Variants in DLGAP3 observed in about 807,000 individuals in gnomAD.
DLGAP3 encodes disks large-associated protein 3.
DLGAP3 carries 17 observed loss-of-function variants against 81.2 expected under a neutral mutation model. The observed-to-expected ratio is 0.21, with a 90% CI of 0.14 to 0.31. The LOEUF (loss-of-function observed/expected upper bound fraction) is 0.31. Ranked by LOEUF, DLGAP3 falls within the 10% of genes least tolerant of loss-of-function variation. The pLI is 1.00. For synonymous variants in DLGAP3, 577 were observed against 587.4 expected (o/e 0.98, Z 0.26); for missense variants, 1,124 against 1,388.0 (o/e 0.81, Z 3.02).
At chr1:34,921,957 C>T (rs1419256844) in intron 1 of DLGAP3, among the ~76,000 whole-genome samples, 1 of 152,190 alleles carries the variant, frequency 6.6e-6, no homozygotes, top group Non-Finnish European at 1.5e-5. Context: ...GTAATATGCA[C>T]ATGTACCTGT....
chr1:34,871,006 AATAG>A (rs1319750132), intron 8 of DLGAP3, among the ~76,000 whole-genome samples: 4 of 152,248 alleles, frequency 2.6e-5, no homozygotes, highest in Admixed American at 6.5e-5. Flanking sequence ...CAATTATAGA[AATAG>A]ATAAGTAATT....
chr1:34,879,837 G>T (rs1639119589), intron 8 of DLGAP3, among the ~76,000 whole-genome samples: 1 of 151,996 alleles, frequency 6.6e-6, no homozygotes. Context: ...AGTTATAAGG[G>T]AAATTATAGC....
At chr1:34,918,423 G>C (rs947729830) in intron 1 of DLGAP3, among the ~76,000 whole-genome samples, 1 of 152,174 alleles carries the variant, frequency 6.6e-6, no homozygotes, top group Non-Finnish European at 1.5e-5. Context: ...GCCCACCCCT[G>C]CCTCACTGAG....
chr1:34,880,544 A>C (rs1324841556), intron 8 of DLGAP3, among the ~76,000 whole-genome samples: 1 of 152,106 alleles, frequency 6.6e-6, no homozygotes, highest in Non-Finnish European at 1.5e-5. Flanking sequence ...CAGCCTAGTC[A>C]ACATGGTGAA....
At position 34,896,216 on chromosome 1, in the gene DLGAP3, T is replaced by C. The variant is rs138167778; in HGVS notation, c.1386+3453A>G. Among the ~76,000 whole-genome samples the C allele has an allele frequency of 5.3e-5, 8 of 152,272 alleles. No homozygotes were observed. The East Asian group carries it at 1.5e-3, about 29-fold the overall frequency. Reference sequence around the variant, plus strand: ...ACTCCAGCTGACACCTTGGTCAGATTTCTAGCCTCCAGAATTGTGAGAAAA... The same window carrying C: ...ACTCCAGCTGACACCTTGGTCAGATCTCTAGCCTCCAGAATTGTGAGAAAA... On this transcript the variant is annotated intron_variant, in intron 5 of 11. Transcript: ENST00000373347.
In DLGAP3 at chr1:34,904,814, C is replaced by T. The variant is rs919131002; in HGVS notation, c.570G>A (p.Pro190=). The T allele has an allele frequency of 1.3e-5, 21 of 1,610,168 alleles. No individual in the cohort carries two copies. Among genetic ancestry groups the T allele is most frequent in the Middle Eastern group, 3.3e-4 (2 of 6,080 alleles). Residue 190 remains proline, a synonymous_variant, in exon 3 of 12, where the codon CCG becomes CCA. Coordinates refer to ENST00000373347, the MANE Select transcript of DLGAP3 (RefSeq NM_001080418.3). This position sits in a 1 kb window ranked among gnomAD's most constrained non-coding sequence, Gnocchi z 8.1. ...LFAKSHSLEA[P]GKRDYNGPKA... ...TGGGCCCATTATAGTCCCGCTTCCC[C>T]GGCGCCTCCAGAGAGTGGGACTTGG...
chr1:34,872,572 C>T (rs1195916506), intron 8 of DLGAP3, among the ~76,000 whole-genome samples: 1 of 152,110 alleles, frequency 6.6e-6, no homozygotes, highest in Non-Finnish European at 1.5e-5. Flanking sequence ...TGTTACCTTC[C>T]ACGGCAAAAA....
At chr1:34,876,494 G>A (rs11264126) in intron 8 of DLGAP3, among the ~76,000 whole-genome samples, 63,012 of 152,068 alleles carry the variant, frequency 0.41, 13,726 homozygotes, top group East Asian at 0.76. Context: ...CTGGCCAGGC[G>A]AGGCTGCTGG....
At chr1:34,882,880 A>G (rs572439372) in intron 8 of DLGAP3, among the ~76,000 whole-genome samples, 180 of 152,150 alleles carry the variant, frequency 1.2e-3, no homozygotes, top group African/African-American at 4.0e-3. Flanking sequence ...CACCAGCCAC[A>G]TGGACCTTCT....
In DLGAP3 at chr1:34,867,052, G is replaced by C. The variant is rs755119196; in HGVS notation, c.2717C>G (p.Pro906Arg). 1.9e-6 allele frequency: 3 copies of C among 1,614,074 alleles called. No individual in the cohort carries two copies. In the Admixed American group the frequency reaches 5.0e-5, roughly 27 times the overall value. Residue 906 changes from proline (P) to arginine (R), a missense_variant, in exon 11 of 12, where the codon CCT becomes CGT. By Grantham distance (103) the Pro-to-Arg change is moderately radical. Around this residue, in one of 9 missense-constraint regions of DLGAP3, gnomAD observed 133 missense variants for 171.1 expected, o/e 0.78. Coordinates refer to ENST00000373347, the MANE Select transcript of DLGAP3 (RefSeq NM_001080418.3). The surrounding 1 kb of genome is among the most constrained non-coding windows in gnomAD (Gnocchi z 4.3). ...CTGAAGGCACCCCAGCCCCACCTTA[G>C]GCTCCAGGAGTTTCCAGCTGTTGGC... The part of the protein sequence containing the change: ...LKANSWKLLE[P>R]KEEKKVPPPI...
In DLGAP3 at chr1:34,904,912, T is replaced by G; in HGVS notation, c.472A>C (p.Thr158Pro). 1 of 1,611,622 alleles carries G rather than the reference T, an allele frequency of 6.2e-7. No homozygotes were observed. Among genetic ancestry groups the G allele is most frequent in the Non-Finnish European group, 8.5e-7 (1 of 1,179,892 alleles). ...AGPGPAPGTG[T>P]APEPRSESPS... Reference sequence around the variant, plus strand: ...CTCTCACTGCGGGGCTCTGGGGCAGTGCCCGTCCCTGGCGCTGGCCCGGGC... The same window carrying G: ...CTCTCACTGCGGGGCTCTGGGGCAGGGCCCGTCCCTGGCGCTGGCCCGGGC... Residue 158 changes from threonine (T) to proline (P), a missense_variant, in exon 3 of 12, where the codon ACT (threonine) becomes CCT (proline). By Grantham distance (38) the Thr-to-Pro change is conservative. Coordinates refer to ENST00000373347, the MANE Select transcript of DLGAP3 (RefSeq NM_001080418.3). The surrounding 1 kb of genome is among the most constrained non-coding windows in gnomAD (Gnocchi z 8.1).
intron 3 of DLGAP3, among the ~76,000 whole-genome samples, chr1:34,903,304 T>A (rs1033117780): frequency 6.6e-6 from 1 of 152,180 alleles, no homozygotes; most frequent in Non-Finnish European, 1.5e-5. Flanking sequence ...CTGTATTCTA[T>A]CTGCTTCCTT....
At chr1:34,928,821 CACAG>C (rs1361716461) in intron 1 of DLGAP3, among the ~76,000 whole-genome samples, 4 of 151,994 alleles carry the variant, frequency 2.6e-5, no homozygotes, top group South Asian at 4.2e-4. Flanking sequence ...TTCACACACT[CACAG>C]ACACACACAG....
intron 1 of DLGAP3, among the ~76,000 whole-genome samples, chr1:34,915,838 C>A (rs1639708953): frequency 6.7e-6 from 1 of 150,084 alleles, no homozygotes; most frequent in Admixed American, 6.6e-5. Flanking sequence ...GCAGCTCAGA[C>A]TGCAAAACCC....
intron 8 of DLGAP3, among the ~76,000 whole-genome samples, chr1:34,878,852 C>T (rs2148397930): frequency 6.6e-6 from 1 of 152,050 alleles, no homozygotes; most frequent in South Asian, 2.1e-4. Flanking sequence ...GGGCGGATCA[C>T]GAGGTCAGAA....
At position 34,866,181 on chromosome 1, in the gene DLGAP3, G is replaced by A. The variant is rs780890665; in HGVS notation, c.2842C>T (p.Leu948=). 2 of 1,594,688 alleles carry A rather than the reference G, an allele frequency of 1.3e-6. No individual in the cohort carries two copies. The highest frequency in any genetic ancestry group is 1.7e-6 in the Non-Finnish European group (2 of 1,177,036). ...RQRQEARKRL[L]AAKRAASFRH... is the part of the protein sequence containing the mutation. ...AAGGAAGCGGCGCGCTTGGCCGCCA[G>A]GAGCCGCTTGCGCGCTTCCTGCCGC... The change falls in exon 12 of 12, where the codon CTG becomes TTG. Residue 948 remains leucine (L), a synonymous_variant. Transcript: ENST00000373347.
intron 8 of DLGAP3, among the ~76,000 whole-genome samples, chr1:34,869,461 G>A (rs1043474750): frequency 6.7e-6 from 1 of 150,276 alleles, no homozygotes; most frequent in East Asian, 2.0e-4. Context: ...CTTTACCAGT[G>A]AAGGCAGAAG....
In DLGAP3 at chr1:34,868,138, G is replaced by C. The variant is rs988039250; in HGVS notation, c.2485+467C>G. ...CCCAGTGGATCTGACTTACAGGAAG[G>C]GCCATGCTCTCCCTCGGGCCAGGGC... On this transcript the variant is annotated intron_variant, in intron 9 of 11. Transcript: ENST00000373347. The surrounding 1 kb of genome is among the most constrained non-coding windows in gnomAD (Gnocchi z 7.5). Among the ~76,000 whole-genome samples the C allele has an allele frequency of 2.0e-5, 3 of 152,242 alleles. No individual in the cohort carries two copies. Among genetic ancestry groups the C allele is most frequent in the Admixed American group, 2.0e-4 (3 of 15,300 alleles).
chr1:34,884,369 A>G (rs1347190061), intron 8 of DLGAP3, among the ~76,000 whole-genome samples: 4 of 151,980 alleles, frequency 2.6e-5, no homozygotes, highest in African/African-American at 9.7e-5. Flanking sequence ...TCCCCTCCAG[A>G]GCTGGCAATG....
Sources: gnomAD v4.1 joint callset for allele counts (sites outside exome capture counted in the v4.1 genomes callset) on GRCh38, gnomAD v4.1.1 for gene constraint, gnomAD v4.1.1 regional missense constraint, Gnocchi (gnomAD v3.1) non-coding constraint, MANE v1.5 for transcripts, NCBI Gene and HGNC (gene_info 2026-07-23, HGNC 2026-07-21) for gene names.